ZDHHC15: variants seen among roughly 807,000 people sequenced by gnomAD.
ZDHHC15 encodes the protein palmitoyltransferase ZDHHC15.
ZDHHC15 carries 19 observed loss-of-function variants against 31.7 expected under a neutral mutation model. The ratio of observed to expected loss-of-function variants is 0.60; its 90% CI spans 0.42 to 0.88. The LOEUF is 0.88. ZDHHC15 is among the 40% of genes least tolerant of loss of function. ZDHHC15 has a pLI of 0.00. For synonymous variants in ZDHHC15, 103 were observed against 90.0 expected (o/e 1.14, Z -0.82); for missense variants, 209 against 251.2 (o/e 0.83, Z 1.14).
chrX:75,496,041 A>C (rs1176827878), intron 2 of ZDHHC15, among the ~76,000 whole-genome samples: 3 of 111,238 alleles, frequency 2.7e-5, no homozygotes, highest in Non-Finnish European at 3.8e-5. Context: ...TAAATAATCT[A>C]TTTAGAAGAT....
chrX:75,436,374 G>A lies in ZDHHC15; in HGVS notation c.380-4854C>T, dbSNP rs145525945. Among the ~76,000 whole-genome samples, 63 of 111,044 alleles carry A rather than the reference G, an allele frequency of 5.7e-4. 1 individual carries two copies. Among genetic ancestry groups the A allele is most frequent in the African/African-American group, 2.0e-3 (60 of 30,573 alleles). On this transcript the variant is annotated intron_variant, in intron 4 of 11. Coordinates refer to ENST00000373367, the MANE Select transcript of ZDHHC15 (RefSeq NM_144969.3). ...TTTTGTTATTTCTTTTCTTCTGCTG[G>A]GTTTGGGTTTGGTTTGTTCTTGTTT...
chrX:75,469,872 T>C (rs1270012759), intron 3 of ZDHHC15, among the ~76,000 whole-genome samples: 3 of 112,217 alleles, frequency 2.7e-5, no homozygotes, highest in Non-Finnish European at 5.6e-5. Context: ...TCTTTACATC[T>C]TCACCAACAC....
At chrX:75,383,290 T>A (rs2083136363) in intron 10 of ZDHHC15, among the ~76,000 whole-genome samples, 1 of 112,489 alleles carries the variant, frequency 8.9e-6, no homozygotes, top group African/African-American at 3.2e-5. Flanking sequence ...TTTGAAATAA[T>A]CTAACAATCA....
chrX:75,410,276 C>A (rs965492841), intron 10 of ZDHHC15, among the ~76,000 whole-genome samples: 1 of 109,784 alleles, frequency 9.1e-6, no homozygotes, highest in African/African-American at 3.3e-5. Flanking sequence ...AAGAGACAAC[C>A]CATAGAATGG....
intron 10 of ZDHHC15, among the ~76,000 whole-genome samples, chrX:75,414,505 C>A (rs1013264885): frequency 8.9e-5 from 9 of 100,579 alleles, no homozygotes; most frequent in African/African-American, 3.3e-4. Flanking sequence ...TCTCGGCTCA[C>A]TGCAAGCTCT....
At chrX:75,422,135 T>C in intron 8 of ZDHHC15, 145 bp from the exon 9 acceptor site, 1 of 714,411 alleles carries the variant, frequency 1.4e-6, no homozygotes, top group Non-Finnish European at 1.9e-6. Flanking sequence ...CCTCTCATTT[T>C]TAGGTATTGC....
intron 3 of ZDHHC15, among the ~76,000 whole-genome samples, chrX:75,475,510 G>T (rs1018129207): frequency 8.9e-6 from 1 of 112,150 alleles, no homozygotes; most frequent in Non-Finnish European, 1.9e-5. Flanking sequence ...TAGCATGGTT[G>T]TTGAAGATTT....
chrX:75,520,521 A>G (rs2085427911), intron 1 of ZDHHC15, among the ~76,000 whole-genome samples: 1 of 111,843 alleles, frequency 8.9e-6, no homozygotes, highest in African/African-American at 3.2e-5. Context: ...ATTAATTTTT[A>G]AAATATATCT....
intron 10 of ZDHHC15, among the ~76,000 whole-genome samples, chrX:75,383,461 C>T (rs1424981003): frequency 9.0e-6 from 1 of 111,086 alleles, no homozygotes; most frequent in Non-Finnish European, 1.9e-5. Flanking sequence ...TTGTGCACTA[C>T]AACCTGTGAC....
intron 1 of ZDHHC15, among the ~76,000 whole-genome samples, chrX:75,519,712 C>T (rs1442160006): frequency 8.9e-6 from 1 of 111,859 alleles, no homozygotes; most frequent in East Asian, 2.8e-4. Flanking sequence ...AAAGGTATGG[C>T]CTTGGTATCA....
intron 3 of ZDHHC15, among the ~76,000 whole-genome samples, chrX:75,460,632 C>A (rs2084298235): frequency 9.1e-6 from 1 of 109,594 alleles, no homozygotes; most frequent in Admixed American, 9.8e-5. Context: ...GTGATACATC[C>A]AGGTATGAAA....
chrX:75,428,497 C>T (rs1462204134), intron 7 of ZDHHC15, among the ~76,000 whole-genome samples: 1 of 111,120 alleles, frequency 9.0e-6, no homozygotes, highest in Non-Finnish European at 1.9e-5. Context: ...GCCAGTGAAG[C>T]AGGTAAGAGA....
In ZDHHC15 at chrX:75,516,457, T is replaced by C. The variant is rs140413368; in HGVS notation, c.136+6432A>G. The stretch of plus-strand genomic sequence containing the variant: ...CATATCTATAACCATCTGCTCTTTG[T>C]CAAACCTGACAAAAACAAGAAATGG... On this transcript the variant is annotated intron_variant, in intron 1 of 11. Transcript: ENST00000373367. 7.9e-3 allele frequency among the ~76,000 whole-genome samples: 884 copies of C among 112,181 alleles called. 11 individuals are homozygous for C. Among genetic ancestry groups the C allele is most frequent in the African/African-American group, 0.026 (813 of 30,913 alleles).
intron 3 of ZDHHC15, among the ~76,000 whole-genome samples, chrX:75,453,559 C>A (rs1043482586): frequency 9.0e-6 from 1 of 111,202 alleles, no homozygotes; most frequent in Non-Finnish European, 1.9e-5. Context: ...CATCCTAACA[C>A]CAAAGGCTGG....
intron 11 of ZDHHC15, among the ~76,000 whole-genome samples, chrX:75,375,528 C>T (rs1305338472): frequency 9.0e-6 from 1 of 111,059 alleles, no homozygotes; most frequent in African/African-American, 3.3e-5. Context: ...GAGCATAGTA[C>T]CCAATAGGTA....
chrX:75,489,152 T>A (rs1433568726), intron 2 of ZDHHC15, among the ~76,000 whole-genome samples: 1 of 111,927 alleles, frequency 8.9e-6, no homozygotes, highest in Non-Finnish European at 1.9e-5. Flanking sequence ...CTCTGTAGAC[T>A]CCACCTCTGG....
At chrX:75,506,819 G>A (rs927415968) in intron 1 of ZDHHC15, among the ~76,000 whole-genome samples, 1 of 112,058 alleles carries the variant, frequency 8.9e-6, no homozygotes, top group Non-Finnish European at 1.9e-5. Context: ...GAGAGAGAAA[G>A]CATAGTTTCT....
At chrX:75,403,743 G>A (rs1282857245) in intron 10 of ZDHHC15, among the ~76,000 whole-genome samples, 14 of 112,024 alleles carry the variant, frequency 1.2e-4, no homozygotes, top group South Asian at 3.7e-4. Context: ...ACAAACAAAT[G>A]GAAAAATATC....
At chrX:75,425,779 G>C (rs1474363843) in intron 7 of ZDHHC15, among the ~76,000 whole-genome samples, 1 of 111,884 alleles carries the variant, frequency 8.9e-6, no homozygotes, top group Non-Finnish European at 1.9e-5. Flanking sequence ...GGAGGAGAAA[G>C]TTAAGGCTTG....
Sources: allele counts gnomAD v4.1 joint callset (sites outside exome capture counted in the v4.1 genomes callset), GRCh38; gene constraint gnomAD v4.1.1; transcripts MANE v1.5; gene names NCBI Gene and HGNC (gene_info 2026-07-23, HGNC 2026-07-21).